Variants in DLGAP4 observed in about 807,000 individuals in gnomAD.
DLGAP4 encodes the protein disks large-associated protein 4.
In DLGAP4, 18 loss-of-function variants were observed where a neutral mutation model predicts 86.9. That is an observed-to-expected ratio of 0.21 (90% CI 0.14 to 0.31). The LOEUF is 0.31. Among genes scored for constraint, DLGAP4 ranks in the 10% least tolerant of loss-of-function variants. The pLI is 1.00. For synonymous variants in DLGAP4, 548 were observed against 574.3 expected (o/e 0.95, Z 0.65); for missense variants, 1,085 against 1,362.6 (o/e 0.80, Z 3.21).
At chr20:36,312,635 T>C (rs1449400658) in intron 1 of DLGAP4, among the ~76,000 whole-genome samples, 1 of 152,190 alleles carries the variant, frequency 6.6e-6, no homozygotes, top group African/African-American at 2.4e-5. Context: ...GAGGCACTTA[T>C]GGAGCGCCTG....
At chr20:36,458,559 T>A (rs938368005) in intron 7 of DLGAP4, among the ~76,000 whole-genome samples, 1 of 151,032 alleles carries the variant, frequency 6.6e-6, no homozygotes, top group African/African-American at 2.4e-5. Flanking sequence ...CAAAGCCAGG[T>A]GTGATGGCAC....
intron 1 of DLGAP4, among the ~76,000 whole-genome samples, chr20:36,359,201 C>T (rs1355963623): frequency 6.6e-6 from 1 of 152,164 alleles, no homozygotes; most frequent in Non-Finnish European, 1.5e-5. Flanking sequence ...CTCACTGTAA[C>T]CTCCGTCTCC....
intron 1 of DLGAP4, among the ~76,000 whole-genome samples, chr20:36,365,974 T>G (rs1827536499): frequency 6.6e-6 from 1 of 152,118 alleles, no homozygotes; most frequent in South Asian, 2.1e-4. Flanking sequence ...CCTGTAAAAT[T>G]GGAGGGGAGA....
At chr20:36,329,800 A>G (rs1335950568) in intron 1 of DLGAP4, among the ~76,000 whole-genome samples, 2 of 152,112 alleles carry the variant, frequency 1.3e-5, no homozygotes, top group African/African-American at 4.8e-5. Flanking sequence ...TGGTAGGCCA[A>G]GTCAGGCGGA....
At chr20:36,465,181 G>A (rs1340251323) in intron 7 of DLGAP4, 1 of 132,766 alleles carries the variant, frequency 7.5e-6, no homozygotes, top group Admixed American at 7.7e-5. Flanking sequence ...ACCCCCGCAT[G>A]CCCTGTGGTT....
intron 8 of DLGAP4, 91 bp from the exon 9 acceptor site, chr20:36,499,497 C>G: frequency 1.4e-6 from 2 of 1,436,668 alleles, no homozygotes; most frequent in Non-Finnish European, 1.9e-6. Context: ...TTGCGTCGTC[C>G]CACTAATGTG....
chr20:36,362,086 G>A (rs1324161036), intron 1 of DLGAP4, among the ~76,000 whole-genome samples: 4 of 151,810 alleles, frequency 2.6e-5, no homozygotes, highest in African/African-American at 7.3e-5. Flanking sequence ...GAGGTCAGGA[G>A]TTCAAGACCA....
Position 36,526,874 on chromosome 20 carries a change from G to A in DLGAP4, c.2822G>A (p.Ser941Asn), listed in dbSNP as rs1481579023. Residue 941 changes from serine (S) to asparagine (N), a missense_variant, in exon 13 of 13, where the codon AGC (serine) becomes AAC (asparagine). Physicochemically the swap from Ser to Asn is conservative, Grantham distance 46 (BLOSUM62 1). Coordinates refer to ENST00000339266, the MANE Select transcript of DLGAP4 (RefSeq NM_001365621.2). ...KKPAKSKPAV[S>N]RDKASDASDK... is the part of the protein sequence containing the mutation. ...CCAGCCAAATCCAAGCCGGCAGTGA[G>A]CCGCGACAAGGCCTCAGACGCCAGC... The A allele has an allele frequency of 6.2e-7, 1 of 1,612,672 alleles. No homozygotes were observed. The highest frequency in any genetic ancestry group is 1.3e-5 in the African/African-American group (1 of 74,898).
At position 36,421,921 on chromosome 20, in the gene DLGAP4, G is replaced by A. The variant is rs1036115849; in HGVS notation, c.-72-9725G>A. ...TCAGATAGGTGGTGTTTAAGGCCAT[G>A]CGTCAGGATGAGATCAGCAGAGGAG... On this transcript the variant is annotated intron_variant, in intron 2 of 12. Coordinates refer to ENST00000339266, the MANE Select transcript of DLGAP4 (RefSeq NM_001365621.2). Among the ~76,000 whole-genome samples, 8 of 152,118 alleles carry A rather than the reference G, an allele frequency of 5.3e-5. 1 individual carries two copies. Among genetic ancestry groups the A allele is most frequent in the South Asian group, 4.1e-4 (2 of 4,826 alleles).
Position 36,329,565 on chromosome 20 carries a change from C to T in DLGAP4, c.-304+23053C>T, listed in dbSNP as rs79979540. On this transcript the variant is annotated intron_variant, in intron 1 of 12. Coordinates refer to ENST00000339266, the MANE Select transcript of DLGAP4 (RefSeq NM_001365621.2). ...AAGTGGCCTCCACCAAGCTTTTGGT[C>T]CTGACACTTCCTCTCTATCCCTGAT... 4.4e-3 allele frequency among the ~76,000 whole-genome samples: 671 copies of T among 152,286 alleles called. 6 individuals carry two copies. Among genetic ancestry groups the T allele is most frequent in the African/African-American group, 0.015 (643 of 41,554 alleles).
chr20:36,526,288 A>G (rs776384331), intron 12 of DLGAP4, among the ~76,000 whole-genome samples: 85 of 151,156 alleles, frequency 5.6e-4, no homozygotes, highest in Non-Finnish European at 9.4e-4. Context: ...GTTATAACAG[A>G]GGAGGCAGCA....
intron 1 of DLGAP4, among the ~76,000 whole-genome samples, chr20:36,339,497 C>G (rs1287964460): frequency 6.6e-6 from 1 of 152,232 alleles, no homozygotes; most frequent in African/African-American, 2.4e-5. Context: ...AAGTGATCCT[C>G]CCACCTCAGC....
At position 36,432,476 on chromosome 20, in the gene DLGAP4, G is replaced by A. The variant is rs776950589; in HGVS notation, c.759G>A (p.Met253Ile). The A allele has an allele frequency of 6.2e-7, 1 of 1,613,574 alleles. No homozygotes were observed. Among genetic ancestry groups the A allele is most frequent in the South Asian group, 1.1e-5 (1 of 91,060 alleles). The change falls in exon 3 of 13, where the codon ATG (methionine) becomes ATA (isoleucine). Residue 253 changes from methionine (M) to isoleucine (I), a missense_variant. By Grantham distance (10) the Met-to-Ile change is conservative. Around this residue, in one of 2 missense-constraint regions of DLGAP4, gnomAD observed 1,082 missense variants for 1,344.1 expected, o/e 0.81. Transcript: ENST00000339266. This position sits in a 1 kb window ranked among gnomAD's most constrained non-coding sequence, Gnocchi z 6.5. ...CCTACAACACCATCAGTGGGCACAT[G>A]CTCAAAACCACCAAGAACAACACTA... ...MHAYNTISGHMLKTTKNNTTE... is the reference protein window; with the variant it reads ...MHAYNTISGHILKTTKNNTTE...
chr20:36,439,455 C>T (rs1298852629), intron 4 of DLGAP4, among the ~76,000 whole-genome samples: 1 of 152,182 alleles, frequency 6.6e-6, no homozygotes, highest in Non-Finnish European at 1.5e-5. Context: ...TGATAGAAGC[C>T]ACTCGAACAT....
intron 3 of DLGAP4, among the ~76,000 whole-genome samples, chr20:36,435,506 T>C (rs1339899696): frequency 6.6e-6 from 1 of 152,176 alleles, no homozygotes; most frequent in African/African-American, 2.4e-5. Flanking sequence ...TCCCTGAAGT[T>C]CAGATGGGAA....
At chr20:36,411,327 G>T (rs1268724658) in intron 2 of DLGAP4, among the ~76,000 whole-genome samples, 1 of 152,092 alleles carries the variant, frequency 6.6e-6, no homozygotes, top group Non-Finnish European at 1.5e-5. Context: ...GCTTCTCGGA[G>T]AACCCAAATC....
intron 7 of DLGAP4, among the ~76,000 whole-genome samples, chr20:36,485,479 G>A (rs1198806637): frequency 6.6e-6 from 1 of 152,182 alleles, no homozygotes; most frequent in Non-Finnish European, 1.5e-5. Context: ...AGCCAGAAAG[G>A]GTTGATGCCC....
intron 1 of DLGAP4, among the ~76,000 whole-genome samples, chr20:36,319,350 G>A (rs2065143398): frequency 6.6e-6 from 1 of 152,142 alleles, no homozygotes; most frequent in Non-Finnish European, 1.5e-5. Flanking sequence ...GTCATTGCCT[G>A]TCTCAGAGGC....
chr20:36,450,509 G>A (rs1364549655), intron 7 of DLGAP4, among the ~76,000 whole-genome samples: 2 of 148,882 alleles, frequency 1.3e-5, no homozygotes, highest in African/African-American at 5.2e-5. Context: ...AAAAAAAAAA[G>A]AATCAGGGTC....
Sources: allele counts gnomAD v4.1 joint callset (sites outside exome capture counted in the v4.1 genomes callset), GRCh38; gene constraint gnomAD v4.1.1; regional missense constraint gnomAD v4.1.1; non-coding constraint Gnocchi (gnomAD v3.1); transcripts MANE v1.5; gene names NCBI Gene and HGNC (gene_info 2026-07-23, HGNC 2026-07-21).